The following RAB37 variants were observed in gnomAD, a reference collection of about 807,000 sequenced individuals.
RAB37 encodes RAB37, member RAS oncogene family.
A neutral mutation model predicts 33.1 loss-of-function variants in RAB37; 29 were observed. That is an observed-to-expected ratio of 0.88 (90% CI 0.65 to 1.20). RAB37 has a LOEUF of 1.20. Ranked by LOEUF, RAB37 falls within the 50% of genes most tolerant of loss-of-function variation. The pLI, the probability that RAB37 is intolerant of heterozygous loss-of-function variation, is 0.00. For missense variants in RAB37, 299 were observed against 301.1 expected (o/e 0.99, Z 0.05); for synonymous variants, 128 against 119.5 (o/e 1.07, Z -0.47).
At chr17:74,710,341 AAGTT>A (rs149463529) in intron 1 of RAB37, among the ~76,000 whole-genome samples, 3,545 of 152,306 alleles carry the variant, frequency 0.023, 48 homozygotes, top group Non-Finnish European at 0.033. Flanking sequence ...AAAGGGAAAA[AAGTT>A]AGAGAAAATT....
At chr17:74,705,429 C>A in intron 1 of RAB37, 1 of 517,150 alleles carries the variant, frequency 1.9e-6, no homozygotes, top group Non-Finnish European at 3.5e-6. Flanking sequence ...ATTGCTTTGA[C>A]CCCTTTGTCA....
chr17:74,721,004 C>T (rs957266135), intron 1 of RAB37, among the ~76,000 whole-genome samples: 3 of 152,176 alleles, frequency 2.0e-5, no homozygotes, highest in African/African-American at 4.8e-5. Flanking sequence ...CGTGTCTATC[C>T]GTATGCTCCG....
At chr17:74,737,714 G>C (rs1567813943) in intron 1 of RAB37, among the ~76,000 whole-genome samples, 1 of 152,198 alleles carries the variant, frequency 6.6e-6, no homozygotes, top group Admixed American at 6.5e-5. Flanking sequence ...TGGGAGATGG[G>C]GACCGAACGG....
chr17:74,744,929 GGTAA>G lies in RAB37; in HGVS notation c.489+3_489+6del. The G allele has an allele frequency of 6.2e-7, 1 of 1,614,276 alleles. No homozygotes were observed. On this transcript the variant is annotated splice_donor_variant and splice_donor_region_variant and intron_variant, in intron 7 of 8. Coordinates refer to ENST00000392613, the MANE Select transcript of RAB37 (RefSeq NM_001006638.3). LOFTEE classifies it high-confidence loss of function. The surrounding 1 kb of genome is among the most constrained non-coding windows in gnomAD (Gnocchi z 4.2). ...CCGAAGACGGAGAGACCTTGGCCAG[GGTAA>G]GTGATTGTCTGTGGGACAGGGTGAA...
At chr17:74,674,499 G>A (rs1020094853) in intron 1 of RAB37, among the ~76,000 whole-genome samples, 26 of 152,092 alleles carry the variant, frequency 1.7e-4, no homozygotes, top group Middle Eastern at 3.4e-3. Flanking sequence ...CCAACATGGC[G>A]AAACTTTGTC....
At chr17:74,716,249 G>A (rs959295531) in intron 1 of RAB37, among the ~76,000 whole-genome samples, 2 of 152,162 alleles carry the variant, frequency 1.3e-5, no homozygotes, top group African/African-American at 4.8e-5. Context: ...GATTAGACAG[G>A]TCATCTGAGA....
At chr17:74,699,801 G>A (rs1013569925) in intron 1 of RAB37, among the ~76,000 whole-genome samples, 8 of 152,040 alleles carry the variant, frequency 5.3e-5, no homozygotes, top group African/African-American at 9.7e-5. Context: ...ACAGCAGCCG[G>A]GGGGCCTGTG....
chr17:74,690,502 T>G (rs1027809810), intron 1 of RAB37, among the ~76,000 whole-genome samples: 11 of 152,182 alleles, frequency 7.2e-5, no homozygotes, highest in Non-Finnish European at 1.2e-4. Flanking sequence ...GCCACCCAAA[T>G]TCTGCCTTAG....
intron 1 of RAB37, chr17:74,694,438 G>A (rs1268599057): frequency 1.3e-5 from 2 of 152,188 alleles, no homozygotes; most frequent in African/African-American, 4.8e-5. Context: ...CTCCAGGCAG[G>A]GGAATCCATT....
chr17:74,698,330 C>T (rs776704853), intron 1 of RAB37: 13 of 1,425,802 alleles, frequency 9.1e-6, no homozygotes, highest in South Asian at 3.5e-5. Flanking sequence ...CCCAGCCACC[C>T]GGCCCAGTCT....
chr17:74,744,632 AG>A lies in RAB37; in HGVS notation c.433-237del. ...AGCAGAGTGAACAGGGTCCCAGGTC[AG>A]GGGCTAAGAGTGCAAAGGGTTAGCC... is the stretch of plus-strand genomic sequence containing the variant. On this transcript the variant is annotated intron_variant, in intron 6 of 8. Transcript: ENST00000392613. The surrounding 1 kb of genome is among the most constrained non-coding windows in gnomAD (Gnocchi z 4.2). 1.6e-6 allele frequency: 1 copy of A among 622,236 alleles called. No individual in the cohort carries two copies. 38.5% of individuals were successfully genotyped at this position (622,236 alleles called of 1,614,324 possible).
intron 1 of RAB37, among the ~76,000 whole-genome samples, chr17:74,718,358 TCA>T (rs2034195624): frequency 6.6e-6 from 1 of 151,562 alleles, no homozygotes; most frequent in Admixed American, 6.6e-5. Flanking sequence ...TCATATCATA[TCA>T]TATCCACCCA....
At chr17:74,690,657 T>C (rs1376439529) in intron 1 of RAB37, among the ~76,000 whole-genome samples, 1 of 152,128 alleles carries the variant, frequency 6.6e-6, no homozygotes, top group East Asian at 1.9e-4. Flanking sequence ...CACTCTAAAC[T>C]CTAGCTCAGG....
chr17:74,682,270 C>G (rs2031969826), intron 1 of RAB37, among the ~76,000 whole-genome samples: 1 of 152,130 alleles, frequency 6.6e-6, no homozygotes, highest in East Asian at 1.9e-4. Context: ...GGGAGTGCAG[C>G]TGACATCGAG....
chr17:74,688,504 G>A (rs2032097301), intron 1 of RAB37, among the ~76,000 whole-genome samples: 1 of 146,320 alleles, frequency 6.8e-6, no homozygotes, highest in South Asian at 2.1e-4. Context: ...AGTGAGCTGA[G>A]ATCACGCCAC....
intron 1 of RAB37, chr17:74,712,949 C>T: frequency 1.5e-6 from 2 of 1,374,250 alleles, no homozygotes; most frequent in Middle Eastern, 1.8e-4. Flanking sequence ...TCTGCTGGTA[C>T]TCACTCTCGC....
chr17:74,710,136 G>A (rs1474402873), intron 1 of RAB37, among the ~76,000 whole-genome samples: 4 of 151,830 alleles, frequency 2.6e-5, no homozygotes, highest in African/African-American at 7.3e-5. Context: ...CCACCACCAC[G>A]CCCAGCTAAT....
Position 74,704,815 on chromosome 17 carries a change from G to T in RAB37, c.73-24441G>T, listed in dbSNP as rs571004658. On this transcript the variant is annotated intron_variant, in intron 1 of 7. Coordinates refer to the RAB37 transcript ENST00000340415. ...CGGTGATTTGAGTGACAATGGAGTA[G>T]CCTGGAAAACACAAATTCATGTGCT... 5 of 1,608,344 alleles carry T rather than the reference G, an allele frequency of 3.1e-6. No homozygotes were observed. The African/African-American group carries it at 6.7e-5, about 21-fold the overall frequency.
chr17:74,723,779 G>T (rs899361866), intron 1 of RAB37, among the ~76,000 whole-genome samples: 1 of 151,974 alleles, frequency 6.6e-6, no homozygotes, highest in Non-Finnish European at 1.5e-5. Flanking sequence ...GTTTCACTAT[G>T]TTGGCAGGCT....
Sources: allele counts gnomAD v4.1 joint callset (sites outside exome capture counted in the v4.1 genomes callset), GRCh38; gene constraint gnomAD v4.1.1; non-coding constraint Gnocchi (gnomAD v3.1); transcripts MANE v1.5; gene names NCBI Gene and HGNC (gene_info 2026-07-23, HGNC 2026-07-21).